AUTS2: variants seen among roughly 807,000 people sequenced by gnomAD.
AUTS2 encodes activator of transcription and developmental regulator AUTS2.
Under a neutral mutation model 112.4 loss-of-function variants are expected in AUTS2, and 17 were observed. The observed-to-expected ratio is 0.15, with a 90% CI of 0.10 to 0.23. AUTS2 has a LOEUF of 0.23. Among genes scored for constraint, AUTS2 ranks in the 10% least tolerant of loss-of-function variants. The pLI, the probability that AUTS2 is intolerant of heterozygous loss-of-function variation, is 1.00. For missense variants in AUTS2, 1,510 were observed against 1,701.6 expected (o/e 0.89, Z 1.98); for synonymous variants, 751 against 702.7 (o/e 1.07, Z -1.09).
chr7:69,704,948 C>T (rs553580696), intron 1 of AUTS2, among the ~76,000 whole-genome samples: 22 of 152,250 alleles, frequency 1.4e-4, no homozygotes, highest in African/African-American at 4.8e-4. Flanking sequence ...CTCACTGCAG[C>T]CTCAACCTCC....
chr7:69,649,144 A>G (rs1438771299), intron 1 of AUTS2, among the ~76,000 whole-genome samples: 1 of 152,134 alleles, frequency 6.6e-6, no homozygotes, highest in Non-Finnish European at 1.5e-5. Context: ...GCTGTTAGAA[A>G]ATCAGCCAGT....
intron 1 of AUTS2, among the ~76,000 whole-genome samples, chr7:69,809,341 G>A (rs1400727438): frequency 6.6e-6 from 1 of 151,816 alleles, no homozygotes; most frequent in East Asian, 1.9e-4. Context: ...GCCTCCCAAA[G>A]TGCTGGGATT....
At chr7:69,657,576 A>C (rs1406303524) in intron 1 of AUTS2, among the ~76,000 whole-genome samples, 1 of 152,340 alleles carries the variant, frequency 6.6e-6, no homozygotes, top group East Asian at 1.9e-4. Flanking sequence ...GATAATTAAA[A>C]AGGATGTTTC....
intron 2 of AUTS2, among the ~76,000 whole-genome samples, chr7:69,900,820 G>A (rs1794939352): frequency 6.6e-6 from 1 of 152,034 alleles, no homozygotes; most frequent in Admixed American, 6.6e-5. Flanking sequence ...GTTTCCAAAG[G>A]TACACTTGTG....
At chr7:69,771,256 A>G (rs1788651587) in intron 1 of AUTS2, among the ~76,000 whole-genome samples, 1 of 152,204 alleles carries the variant, frequency 6.6e-6, no homozygotes, top group Non-Finnish European at 1.5e-5. Flanking sequence ...CCATTGACCT[A>G]CTTTCAAGAG....
At chr7:69,747,786 T>G (rs866962342) in intron 1 of AUTS2, among the ~76,000 whole-genome samples, 12 of 133,716 alleles carry the variant, frequency 9.0e-5, no homozygotes, top group Admixed American at 1.5e-4. Flanking sequence ...AGGAGAGGGG[T>G]GTGTGTGTGT....
chr7:70,220,408 G>A (rs984799468), intron 4 of AUTS2, among the ~76,000 whole-genome samples: 1 of 152,086 alleles, frequency 6.6e-6, no homozygotes, highest in Non-Finnish European at 1.5e-5. Context: ...TGTTAGGCAG[G>A]GTGCTAAGCA....
At chr7:69,800,759 C>G (rs1277542819) in intron 1 of AUTS2, among the ~76,000 whole-genome samples, 1 of 152,078 alleles carries the variant, frequency 6.6e-6, no homozygotes, top group African/African-American at 2.4e-5. Flanking sequence ...AGGTCCCTGC[C>G]CACCTCTCCA....
chr7:69,962,531 C>G (rs1797472569), intron 2 of AUTS2, among the ~76,000 whole-genome samples: 1 of 152,130 alleles, frequency 6.6e-6, no homozygotes, highest in Admixed American at 6.6e-5. Flanking sequence ...CAATTCAGCT[C>G]TATCTTTGTA....
intron 2 of AUTS2, among the ~76,000 whole-genome samples, chr7:70,051,506 C>G (rs1801753820): frequency 6.6e-6 from 1 of 152,178 alleles, no homozygotes. Flanking sequence ...CACCTGAGTT[C>G]AGGAGTTCCA....
chr7:69,762,858 G>A (rs1788252951), intron 1 of AUTS2, among the ~76,000 whole-genome samples: 1 of 152,158 alleles, frequency 6.6e-6, no homozygotes, highest in Admixed American at 6.5e-5. Context: ...ATGTGAGCTG[G>A]TTGATTACAG....
At chr7:70,219,354 T>A (rs1435782469) in intron 4 of AUTS2, among the ~76,000 whole-genome samples, 1 of 152,078 alleles carries the variant, frequency 6.6e-6, no homozygotes, top group Non-Finnish European at 1.5e-5. Flanking sequence ...TGTTGTATAA[T>A]CCACAAAACT....
rs58362194 is a variant in AUTS2 at position 69,917,822 on chromosome 7, TTTG to T, written c.522+18361_522+18363del. Among the ~76,000 whole-genome samples the T allele has an allele frequency of 9.9e-3, 1,477 of 149,172 alleles. 12 individuals are homozygous for T. The highest frequency in any genetic ancestry group is 0.022 in the African/African-American group (901 of 40,524). ...AATGGTCTTCATTTCCAAGGACACC[TTTG>T]TTGTTGTTGTTGTTGTTGTTGTTGT... On this transcript the variant is annotated intron_variant, in intron 2 of 18. Transcript: ENST00000342771.
At chr7:70,716,838 C>T (rs972658668) in intron 6 of AUTS2, among the ~76,000 whole-genome samples, 6 of 151,720 alleles carry the variant, frequency 4.0e-5, no homozygotes, top group South Asian at 2.1e-4. Flanking sequence ...TCGGTTACTT[C>T]GTTTTATGGG....
chr7:70,396,841 A>ATAC (rs1331529999), intron 4 of AUTS2, among the ~76,000 whole-genome samples: 3 of 152,236 alleles, frequency 2.0e-5, no homozygotes, highest in African/African-American at 7.2e-5. Flanking sequence ...GAACATTCAC[A>ATAC]TACAAGTCTT....
At chr7:70,319,145 G>A (rs1320926285) in intron 4 of AUTS2, among the ~76,000 whole-genome samples, 1 of 152,116 alleles carries the variant, frequency 6.6e-6, no homozygotes, top group Non-Finnish European at 1.5e-5. Context: ...AAAATATGGT[G>A]GGATATAATA....
chr7:69,808,181 G>T (rs143566706), intron 1 of AUTS2, among the ~76,000 whole-genome samples: 9 of 152,286 alleles, frequency 5.9e-5, no homozygotes, highest in African/African-American at 2.2e-4. Flanking sequence ...GCCCGCCTCT[G>T]CCTCCCAAAG....
chr7:70,285,808 G>A (rs1788432213), intron 4 of AUTS2, among the ~76,000 whole-genome samples: 1 of 152,166 alleles, frequency 6.6e-6, no homozygotes, highest in Non-Finnish European at 1.5e-5. Context: ...TGTATATTAG[G>A]CATAGAGTAA....
chr7:70,170,415 T>G (rs1332577442), intron 4 of AUTS2, among the ~76,000 whole-genome samples: 1 of 151,770 alleles, frequency 6.6e-6, no homozygotes, highest in Non-Finnish European at 1.5e-5. Flanking sequence ...GCCTTCCTGG[T>G]GGGATTACAG....
Sources: allele counts gnomAD v4.1 joint callset (sites outside exome capture counted in the v4.1 genomes callset), GRCh38; gene constraint gnomAD v4.1.1; transcripts MANE v1.5; gene names NCBI Gene and HGNC (gene_info 2026-07-23, HGNC 2026-07-21).